Variants in OPCML observed in about 807,000 individuals in gnomAD.
OPCML encodes the protein opioid binding protein/cell adhesion molecule like, also known as opioid-binding protein/cell adhesion molecule.
A neutral mutation model predicts 37.8 loss-of-function variants in OPCML; 13 were observed. The ratio of observed to expected loss-of-function variants is 0.34; its 90% CI spans 0.22 to 0.55. OPCML has a LOEUF of 0.55. OPCML is among the 20% of genes least tolerant of loss of function. The pLI is 0.91. For missense variants in OPCML, 341 were observed against 435.6 expected (o/e 0.78, Z 1.93); for synonymous variants, 176 against 168.8 (o/e 1.04, Z -0.33).
chr11:132,940,883 TAAAAG>T (rs1480815683), intron 2 of OPCML, among the ~76,000 whole-genome samples: 1 of 151,920 alleles, frequency 6.6e-6, no homozygotes, highest in Non-Finnish European at 1.5e-5. Context: ...AAGAAAATAA[TAAAAG>T]AGAAGATGAC....
intron 1 of OPCML, among the ~76,000 whole-genome samples, chr11:133,368,086 A>G (rs573676706): frequency 2.0e-5 from 3 of 152,106 alleles, no homozygotes; most frequent in Non-Finnish European, 4.4e-5. Context: ...TGGTTATTAT[A>G]ATTTCTGTGG....
At chr11:132,833,079 T>C (rs1228826841) in intron 2 of OPCML, among the ~76,000 whole-genome samples, 1 of 152,198 alleles carries the variant, frequency 6.6e-6, no homozygotes, top group Non-Finnish European at 1.5e-5. Flanking sequence ...TTCACTACAT[T>C]TAACTTTTTA....
At chr11:132,632,978 G>A (rs1355898486) in intron 3 of OPCML, among the ~76,000 whole-genome samples, 1 of 150,396 alleles carries the variant, frequency 6.6e-6, no homozygotes, top group Non-Finnish European at 1.5e-5. Context: ...CCAGGATGAC[G>A]AATTTATTCC....
intron 3 of OPCML, among the ~76,000 whole-genome samples, chr11:132,588,194 T>C (rs545552296): frequency 4.6e-5 from 7 of 152,240 alleles, no homozygotes; most frequent in African/African-American, 1.4e-4. Flanking sequence ...GGTAAGACTA[T>C]GTTTGGGATC....
intron 1 of OPCML, among the ~76,000 whole-genome samples, chr11:133,028,164 C>T (rs1245572963): frequency 6.6e-6 from 1 of 152,000 alleles, no homozygotes; most frequent in Non-Finnish European, 1.5e-5. Context: ...ACTTGTCCCT[C>T]TGCAGACTTA....
intron 1 of OPCML, among the ~76,000 whole-genome samples, chr11:133,380,685 T>C (rs12288002): frequency 0.37 from 55,522 of 152,086 alleles, 11,933 homozygotes; most frequent in East Asian, 0.65. Flanking sequence ...CTCACATTTA[T>C]TCTAGAGAAA....
intron 4 of OPCML, among the ~76,000 whole-genome samples, chr11:132,450,722 T>C (rs1459633094): frequency 6.6e-6 from 1 of 152,166 alleles, no homozygotes; most frequent in Admixed American, 6.5e-5. Context: ...GTAAAGAAAG[T>C]AAGATGCAGG....
intron 1 of OPCML, among the ~76,000 whole-genome samples, chr11:133,046,984 T>C (rs1449906021): frequency 6.6e-6 from 1 of 152,070 alleles, no homozygotes; most frequent in Non-Finnish European, 1.5e-5. Flanking sequence ...TAAAGTGCCC[T>C]GCTGGGAATG....
chr11:133,427,588 T>C lies in OPCML; in HGVS notation c.61+104676A>G, dbSNP rs572677550. Among the ~76,000 whole-genome samples the C allele has an allele frequency of 3.6e-4, 55 of 152,024 alleles. No homozygotes were observed. In the Middle Eastern group the frequency reaches 0.014, roughly 38 times the overall value. ...AAAATAAAAATGAGCAGAACTGGAA[T>C]GATAATGAAGCCACAACAACAGATT... On this transcript the variant is annotated intron_variant, in intron 1 of 7. Transcript: ENST00000524381.
At chr11:132,536,292 T>C (rs1388031687) in intron 3 of OPCML, among the ~76,000 whole-genome samples, 1 of 152,226 alleles carries the variant, frequency 6.6e-6, no homozygotes, top group Admixed American at 6.5e-5. Context: ...TATTTAAGAC[T>C]GTATGTCAGA....
At chr11:132,888,625 T>G (rs1285932244) in intron 2 of OPCML, among the ~76,000 whole-genome samples, 1 of 152,116 alleles carries the variant, frequency 6.6e-6, no homozygotes, top group African/African-American at 2.4e-5. Flanking sequence ...GTTGTCTGTA[T>G]TGTTCGTTTG....
At chr11:132,433,389 G>A (rs565684983) in intron 7 of OPCML, among the ~76,000 whole-genome samples, 3 of 152,254 alleles carry the variant, frequency 2.0e-5, no homozygotes, top group Admixed American at 6.5e-5. Flanking sequence ...GTTTGTGGTC[G>A]AATCCACACA....
intron 2 of OPCML, among the ~76,000 whole-genome samples, chr11:132,869,946 ACAGT>A (rs1942730350): frequency 1.3e-5 from 2 of 152,192 alleles, no homozygotes; most frequent in South Asian, 4.1e-4. Flanking sequence ...TTTGAGAAAA[ACAGT>A]CAAACATCAT....
chr11:133,137,917 A>T (rs1949715415), intron 1 of OPCML, among the ~76,000 whole-genome samples: 1 of 152,188 alleles, frequency 6.6e-6, no homozygotes, highest in African/African-American at 2.4e-5. Context: ...TGCACCAAGA[A>T]GCTAAAATAC....
chr11:133,410,469 G>A (rs1945621966), intron 1 of OPCML, among the ~76,000 whole-genome samples: 1 of 151,870 alleles, frequency 6.6e-6, no homozygotes, highest in South Asian at 2.1e-4. Flanking sequence ...CCATGCACTA[G>A]CTGAGTCTTT....
intron 1 of OPCML, among the ~76,000 whole-genome samples, chr11:133,467,685 G>A (rs2136999195): frequency 6.6e-6 from 1 of 152,166 alleles, no homozygotes; most frequent in African/African-American, 2.4e-5. Flanking sequence ...ATATAAGCCT[G>A]GTCCCATATG....
chr11:132,466,166 A>G (rs1424867301), intron 4 of OPCML, among the ~76,000 whole-genome samples: 3 of 152,146 alleles, frequency 2.0e-5, no homozygotes, highest in Non-Finnish European at 4.4e-5. Context: ...CATGGGAGCA[A>G]GTCTGAATGA....
In OPCML at chr11:132,844,123, G is replaced by A. The variant is rs747765647; in HGVS notation, c.146+98803C>T. On this transcript the variant is annotated intron_variant, in intron 2 of 7. Coordinates refer to ENST00000524381, the MANE Select transcript of OPCML (RefSeq NM_001012393.5). ...CTGCTATTCATGATTCATGTAAGAC[G>A]TGACTTGCTCCTCCTTGCCTTCTGC... 2.0e-5 allele frequency among the ~76,000 whole-genome samples: 3 copies of A among 152,300 alleles called. No individual in the cohort carries two copies. In the South Asian group the frequency reaches 6.2e-4, roughly 32 times the overall value.
intron 1 of OPCML, among the ~76,000 whole-genome samples, chr11:133,193,042 CTT>C (rs746221475): frequency 6.6e-6 from 1 of 152,032 alleles, no homozygotes; most frequent in South Asian, 2.1e-4. Flanking sequence ...GGTACAAAGA[CTT>C]TGCCTCCCTG....
Sources: gnomAD v4.1 joint callset for allele counts (sites outside exome capture counted in the v4.1 genomes callset) on GRCh38, gnomAD v4.1.1 for gene constraint, MANE v1.5 for transcripts, NCBI Gene and HGNC (gene_info 2026-07-23, HGNC 2026-07-21) for gene names.